CFAP20DC: variants seen among roughly 807,000 people sequenced by gnomAD.
CFAP20DC encodes the protein protein CFAP20DC.
A neutral mutation model predicts 101.7 loss-of-function variants in CFAP20DC; 84 were observed. The observed-to-expected ratio is 0.83, with a 90% CI of 0.69 to 0.99. The LOEUF (loss-of-function observed/expected upper bound fraction) is 0.99. CFAP20DC is among the 50% of genes least tolerant of loss of function. The pLI, the probability that CFAP20DC is intolerant of heterozygous loss-of-function variation, is 0.00. For synonymous variants in CFAP20DC, 359 were observed against 351.2 expected, an observed-to-expected ratio of 1.02 and a Z score of -0.25; for missense variants, 1,007 against 970.3, an observed-to-expected ratio of 1.04 and a Z score of -0.50.
At chr3:59,036,683 T>C (rs888419158) in intron 4 of CFAP20DC, among the ~76,000 whole-genome samples, 28 of 152,170 alleles carry the variant, frequency 1.8e-4, no homozygotes, top group African/African-American at 6.5e-4. Context: ...TGCTCATGGA[T>C]AGGAAGAATC....
rs1255431143 is a variant in CFAP20DC, at chr3:58,831,751, TG to T, written c.2109del (p.Asp703GlufsTer7). On this transcript the variant is annotated frameshift_variant, in exon 14 of 17. Coordinates refer to ENST00000482387, the MANE Select transcript of CFAP20DC (RefSeq NM_001394063.1). LOFTEE classifies it high-confidence loss of function. The stretch of plus-strand genomic sequence containing the variant: ...CTGGTACTTATGCTGACATTACAGT[TG>T]TCCACCTGGGAGGCACTCAGGCCAT... ...TSHGLSASQV[D>X]NCNVSISTSS... The T allele has an allele frequency of 4.3e-6, 7 of 1,614,102 alleles. No homozygotes were observed. Among genetic ancestry groups the T allele is most frequent in the Non-Finnish European group, 4.2e-6 (5 of 1,179,988 alleles).
At chr3:59,048,917 G>A (rs2109342196) in intron 1 of CFAP20DC, among the ~76,000 whole-genome samples, 1 of 152,270 alleles carries the variant, frequency 6.6e-6, no homozygotes, top group South Asian at 2.1e-4. Context: ...TACTCAAAGT[G>A]ACTGAGGACG....
At chr3:58,738,380 C>T (rs560447888), downstream of CFAP20DC, among the ~76,000 whole-genome samples, 105 of 152,138 alleles carry the variant, frequency 6.9e-4, no homozygotes, top group Non-Finnish European at 9.6e-4. This position sits in a 1 kb window ranked among gnomAD's most constrained non-coding sequence, Gnocchi z 4.4. Flanking sequence ...GTGCTGTTCT[C>T]TTCCCTGTGT....
At chr3:58,904,484 A>G (rs2083423421) in intron 6 of CFAP20DC, among the ~76,000 whole-genome samples, 1 of 152,126 alleles carries the variant, frequency 6.6e-6, no homozygotes, top group South Asian at 2.1e-4. Context: ...TTTTGAGTTC[A>G]TCTCCACTAC....
rs1026580044 is a variant in CFAP20DC at position 59,004,057 on chromosome 3, T to C, written c.278+35500A>G. The stretch of plus-strand genomic sequence containing the variant: ...AGGACAGGGCTTTTACTGTAAATAC[T>C]TTCAAATAGGGCAAACCTATGAATG... On this transcript the variant is annotated intron_variant, in intron 4 of 16. Coordinates refer to ENST00000482387, the MANE Select transcript of CFAP20DC (RefSeq NM_001394063.1). Among the ~76,000 whole-genome samples, 3 of 152,286 alleles carry C rather than the reference T, an allele frequency of 2.0e-5. No homozygotes were observed. The East Asian group carries it at 5.8e-4, about 29-fold the overall frequency.
Position 59,036,326 on chromosome 3 carries a change from G to A in CFAP20DC, c.278+3231C>T, listed in dbSNP as rs187420001. Among the ~76,000 whole-genome samples, 650 of 152,238 alleles carry A rather than the reference G, an allele frequency of 4.3e-3. 9 individuals carry two copies. The highest frequency in any genetic ancestry group is 0.014 in the African/African-American group (594 of 41,544). On this transcript the variant is annotated intron_variant, in intron 4 of 16. Coordinates refer to ENST00000482387, the MANE Select transcript of CFAP20DC (RefSeq NM_001394063.1). ...ATCAGGCAAGAGAAAGAAATAAAGG[G>A]TATTCAAATAGGGAGAGAGGGAGTC... is the stretch of plus-strand genomic sequence containing the variant.
At chr3:58,738,967 G>A (rs1295021100), downstream of CFAP20DC, among the ~76,000 whole-genome samples, 1 of 152,122 alleles carries the variant, frequency 6.6e-6, no homozygotes, top group East Asian at 1.9e-4. This position sits in a 1 kb window ranked among gnomAD's most constrained non-coding sequence, Gnocchi z 4.4. Flanking sequence ...TTGTGCTTCA[G>A]GTTGTACATT....
chr3:59,039,563 T>C lies in CFAP20DC; in HGVS notation c.272A>G (p.Glu91Gly), dbSNP rs183628225. ...GAAGTTCTGTATATCTTACAGCAAT[T>C]CAGTGGAGAAGTCTTGTCCCAGGGG... is the stretch of plus-strand genomic sequence containing the variant. ...YVPLGQDFST[E>G]LLITDLGNIK... Residue 91 changes from glutamate (E) to glycine (G), a missense_variant, in exon 4 of 17, where the codon GAA (glutamate) becomes GGA (glycine). Glu to Gly is a moderately conservative substitution (Grantham distance 98). Transcript: ENST00000482387. 5.3e-6 allele frequency: 8 copies of C among 1,516,166 alleles called. No homozygotes were observed. The East Asian group carries it at 1.7e-4, about 33-fold the overall frequency. The allele number at this position is 1,516,166 out of a possible 1,614,324, so 93.9% of individuals were successfully genotyped here.
At chr3:58,930,674 G>C (rs1045689636) in intron 5 of CFAP20DC, among the ~76,000 whole-genome samples, 3 of 152,130 alleles carry the variant, frequency 2.0e-5, no homozygotes, top group Non-Finnish European at 2.9e-5. Context: ...TCAAAATATT[G>C]TTTTGTTTTC....
chr3:58,958,120 T>C (rs918126959), intron 4 of CFAP20DC, among the ~76,000 whole-genome samples: 1 of 152,118 alleles, frequency 6.6e-6, no homozygotes, highest in Non-Finnish European at 1.5e-5. Flanking sequence ...TAAATATATA[T>C]GCCTATTATG....
At chr3:58,820,189 C>A (rs1162546040) in intron 14 of CFAP20DC, among the ~76,000 whole-genome samples, 1 of 151,428 alleles carries the variant, frequency 6.6e-6, no homozygotes. Context: ...CAATATCATA[C>A]TGAATGGGAA....
intron 4 of CFAP20DC, among the ~76,000 whole-genome samples, chr3:58,985,847 A>C (rs886268086): frequency 6.6e-6 from 1 of 152,124 alleles, no homozygotes; most frequent in South Asian, 2.1e-4. Flanking sequence ...TAGTCTATGA[A>C]CTCACTAAGG....
At chr3:58,946,464 G>C (rs2089379695) in intron 4 of CFAP20DC, among the ~76,000 whole-genome samples, 1 of 152,150 alleles carries the variant, frequency 6.6e-6, no homozygotes, top group Non-Finnish European at 1.5e-5. Flanking sequence ...CAGCCATGGA[G>C]ACTGAATGTC....
chr3:59,020,357 A>C (rs911118172), intron 4 of CFAP20DC, among the ~76,000 whole-genome samples: 1 of 152,084 alleles, frequency 6.6e-6, no homozygotes, highest in African/African-American at 2.4e-5. Flanking sequence ...AACATTTTAA[A>C]TAAAATAAAC....
intron 4 of CFAP20DC, among the ~76,000 whole-genome samples, chr3:58,966,154 A>C (rs2091504432): frequency 6.6e-6 from 1 of 152,176 alleles, no homozygotes; most frequent in Non-Finnish European, 1.5e-5. Context: ...CCTGCCACAC[A>C]CAAGCTTGAC....
rs957082910 is a variant in CFAP20DC, at chr3:58,971,958, A to G, written c.279-34196T>C. Among the ~76,000 whole-genome samples the G allele has an allele frequency of 1.3e-5, 2 of 152,108 alleles. No individual in the cohort carries two copies. Among genetic ancestry groups the G allele is most frequent in the African/African-American group, 4.8e-5 (2 of 41,424 alleles). On this transcript the variant is annotated intron_variant, in intron 4 of 16. Coordinates refer to ENST00000482387, the MANE Select transcript of CFAP20DC (RefSeq NM_001394063.1). This position sits in a 1 kb window ranked among gnomAD's most constrained non-coding sequence, Gnocchi z 4.1. ...ACAATTACCTTTGGAAAATGACTCC[A>G]AACTTTCTTATTATAGGTGTGGATT... is the stretch of plus-strand genomic sequence containing the variant.
chr3:58,890,084 G>A (rs1018562417), intron 6 of CFAP20DC, among the ~76,000 whole-genome samples: 1 of 151,096 alleles, frequency 6.6e-6, no homozygotes, highest in African/African-American at 2.4e-5. Flanking sequence ...TCCCAGACGG[G>A]GTGGTGGCCG....
intron 4 of CFAP20DC, among the ~76,000 whole-genome samples, chr3:59,008,691 C>T (rs1016927878): frequency 6.6e-6 from 1 of 151,540 alleles, no homozygotes; most frequent in African/African-American, 2.4e-5. Flanking sequence ...AGGGGAACAT[C>T]ACACTTCGGG....
chr3:58,980,358 G>A (rs755927331), intron 4 of CFAP20DC, among the ~76,000 whole-genome samples: 1 of 152,156 alleles, frequency 6.6e-6, no homozygotes, highest in Non-Finnish European at 1.5e-5. Flanking sequence ...CATTTTATGA[G>A]GCCAGCATCA....
Sources: gnomAD v4.1 joint callset for allele counts (sites outside exome capture counted in the v4.1 genomes callset) on GRCh38, gnomAD v4.1.1 for gene constraint, Gnocchi (gnomAD v3.1) non-coding constraint, MANE v1.5 for transcripts, NCBI Gene and HGNC (gene_info 2026-07-23, HGNC 2026-07-21) for gene names.